Variants in PCDHGB1 observed in about 807,000 individuals in gnomAD.
The protein encoded by PCDHGB1 is protocadherin gamma subfamily B, 1.
PCDHGB1 carries 34 observed loss-of-function variants against 56.6 expected under a neutral mutation model. That is an observed-to-expected ratio of 0.60 (90% CI 0.46 to 0.80). The LOEUF (loss-of-function observed/expected upper bound fraction) is 0.80. PCDHGB1 is among the 30% of genes least tolerant of loss of function. PCDHGB1 has a pLI of 0.00. For missense variants in PCDHGB1, 1,278 were observed against 1,204.6 expected (o/e 1.06, Z -0.90); for synonymous variants, 561 against 505.9 (o/e 1.11, Z -1.46).
chr5:141,389,983 T>C (rs1224770373), intron 1 of PCDHGB1: 1 of 1,614,014 alleles, frequency 6.2e-7, no homozygotes, highest in East Asian at 2.2e-5. Context: ...ATCTCAGTGC[T>C]CTTCCTCGTG....
intron 1 of PCDHGB1, chr5:141,384,772 G>A: frequency 6.2e-7 from 1 of 1,613,920 alleles, no homozygotes. Flanking sequence ...GTACACGGGC[G>A]AGGTGCGCAC....
chr5:141,431,622 C>T lies in PCDHGB1; in HGVS notation c.2410-63185C>T, dbSNP rs761448407. 3 of 1,614,070 alleles carry T rather than the reference C, an allele frequency of 1.9e-6. No individual in the cohort carries two copies. The African/African-American group carries it at 4.0e-5, about 22-fold the overall frequency. ...TCCTTCCGGTATGTGGACGACAAGGCGGCCCAAGTTTTCAAACTAGATTGT... is the reference window on the plus strand; with the variant it reads ...TCCTTCCGGTATGTGGACGACAAGGTGGCCCAAGTTTTCAAACTAGATTGT... On this transcript the variant is annotated intron_variant, in intron 1 of 3. Transcript: ENST00000523390. The surrounding 1 kb of genome is among the most constrained non-coding windows in gnomAD (Gnocchi z 4.8).
chr5:141,438,591 C>CATAT (rs946798767), intron 1 of PCDHGB1, among the ~76,000 whole-genome samples: 211 of 75,392 alleles, frequency 2.8e-3, no homozygotes, highest in Non-Finnish European at 4.1e-3. Context: ...TACATACATA[C>CATAT]ATATATATAT....
chr5:141,416,532 A>T (rs3806830), intron 1 of PCDHGB1: 1 of 152,142 alleles, frequency 6.6e-6, no homozygotes, highest in Non-Finnish European at 1.5e-5. Context: ...TCTTTAATGT[A>T]TAAGGAGGCA....
At chr5:141,416,217 G>A (rs1224952837) in intron 1 of PCDHGB1, 1 of 152,288 alleles carries the variant, frequency 6.6e-6, no homozygotes, top group Non-Finnish European at 1.5e-5. Flanking sequence ...AACAATGTAT[G>A]CTTAGATTTT....
At chr5:141,386,797 T>G (rs771279831) in intron 1 of PCDHGB1, among the ~76,000 whole-genome samples, 1 of 152,124 alleles carries the variant, frequency 6.6e-6, no homozygotes, top group Non-Finnish European at 1.5e-5. Flanking sequence ...TGACCAAAAT[T>G]TATTAGATGC....
At chr5:141,501,869 C>G (rs1595765055) in intron 2 of PCDHGB1, among the ~76,000 whole-genome samples, 1 of 152,130 alleles carries the variant, frequency 6.6e-6, no homozygotes, top group Non-Finnish European at 1.5e-5. Context: ...CCCAGGACGC[C>G]TCCTTACACT....
In PCDHGB1 at chr5:141,404,936, G is replaced by A. The variant is rs755365273; in HGVS notation, c.2409+52267G>A. ...TCTCTCGGCCACTGTCACGCTCACA[G>A]TAGCCATAGCTGACAGCATCCCAGA... is the stretch of plus-strand genomic sequence containing the variant. On this transcript the variant is annotated intron_variant, in intron 1 of 3. Coordinates refer to ENST00000523390, the MANE Select transcript of PCDHGB1 (RefSeq NM_018922.3). 1.9e-6 allele frequency: 3 copies of A among 1,613,858 alleles called. No individual in the cohort carries two copies. The South Asian group carries it at 3.3e-5, about 18-fold the overall frequency.
intron 1 of PCDHGB1, chr5:141,357,694 A>G (rs756497559): frequency 3.9e-6 from 6 of 1,521,212 alleles, no homozygotes; most frequent in Middle Eastern, 1.7e-4. Flanking sequence ...CTCTCATTTT[A>G]TATGTAATAT....
At chr5:141,361,400 T>A in intron 1 of PCDHGB1, 1 of 1,613,988 alleles carries the variant, frequency 6.2e-7, no homozygotes, top group Non-Finnish European at 8.5e-7. Flanking sequence ...AATCTCACCA[T>A]CACAGCCACC....
chr5:141,374,303 C>G (rs373167574), intron 1 of PCDHGB1: 2 of 1,613,938 alleles, frequency 1.2e-6, no homozygotes, highest in Admixed American at 1.7e-5. Context: ...TAGGATGCAG[C>G]TTTTCTCTCT....
intron 1 of PCDHGB1, chr5:141,371,611 C>T (rs561217101): frequency 6.2e-7 from 1 of 1,613,878 alleles, no homozygotes. Flanking sequence ...AGGTTGGTGA[C>T]AGATGGAGCC....
chr5:141,444,640 G>A (rs192148868), intron 1 of PCDHGB1, among the ~76,000 whole-genome samples: 3 of 152,196 alleles, frequency 2.0e-5, no homozygotes, highest in Non-Finnish European at 2.9e-5. Flanking sequence ...GTTCATTGAG[G>A]TAGGGGTTGA....
intron 1 of PCDHGB1, among the ~76,000 whole-genome samples, chr5:141,455,133 CTG>C (rs2098814252): frequency 6.6e-6 from 1 of 151,392 alleles, no homozygotes; most frequent in African/African-American, 2.4e-5. Flanking sequence ...TTAAATTACA[CTG>C]TGTTAAATAA....
At chr5:141,368,236 C>T (rs1444187989) in intron 1 of PCDHGB1, among the ~76,000 whole-genome samples, 1 of 152,160 alleles carries the variant, frequency 6.6e-6, no homozygotes, top group Non-Finnish European at 1.5e-5. Context: ...CTACATTACT[C>T]AACCACATGA....
chr5:141,432,386 A>C lies in PCDHGB1; in HGVS notation c.2410-62421A>C. 1 of 1,614,204 alleles carries C rather than the reference A, an allele frequency of 6.2e-7. No homozygotes were observed. Among genetic ancestry groups the C allele is most frequent in the Non-Finnish European group, 8.5e-7 (1 of 1,180,032 alleles). ...GCGGGACAACGGGCACCCGCCCCTC[A>C]GCAGCAACGTGTCGTTGAGCCTGTT... On this transcript the variant is annotated intron_variant, in intron 1 of 3. Transcript: ENST00000523390. This position sits in a 1 kb window ranked among gnomAD's most constrained non-coding sequence, Gnocchi z 6.0.
At chr5:141,450,653 A>AT (rs2098689237) in intron 1 of PCDHGB1, among the ~76,000 whole-genome samples, 1 of 151,192 alleles carries the variant, frequency 6.6e-6, no homozygotes, top group Non-Finnish European at 1.5e-5. Context: ...TGCCTGGCTA[A>AT]TTTTTGTACT....
intron 2 of PCDHGB1, among the ~76,000 whole-genome samples, chr5:141,500,184 TTTTATTTA>T (rs58019021): frequency 0.099 from 13,469 of 135,812 alleles, 757 homozygotes; most frequent in African/African-American, 0.15. Context: ...TCATTTTTAT[TTTTATTTA>T]TTTATTTATT....
At chr5:141,443,845 A>C (rs923351698) in intron 1 of PCDHGB1, among the ~76,000 whole-genome samples, 19 of 152,224 alleles carry the variant, frequency 1.2e-4, no homozygotes, top group Admixed American at 5.9e-4. Context: ...GGTAATATGG[A>C]AAGTCTGAAA....
Sources: allele counts gnomAD v4.1 joint callset (sites outside exome capture counted in the v4.1 genomes callset), GRCh38; gene constraint gnomAD v4.1.1; non-coding constraint Gnocchi (gnomAD v3.1); transcripts MANE v1.5; gene names NCBI Gene and HGNC (gene_info 2026-07-23, HGNC 2026-07-21).